CD200R1: variants seen among roughly 807,000 people sequenced by gnomAD.
CD200R1 encodes the protein cell surface glycoprotein CD200 receptor 1.
Under a neutral mutation model 38.1 loss-of-function variants are expected in CD200R1, and 30 were observed. The observed-to-expected ratio is 0.79, with a 90% CI of 0.59 to 1.07. The LOEUF (loss-of-function observed/expected upper bound fraction) is 1.07, where lower values mean the gene tolerates loss of function less well. CD200R1 is among the 50% of genes least tolerant of loss of function. The pLI, the probability that CD200R1 is intolerant of heterozygous loss-of-function variation, is 0.00. For missense variants in CD200R1, 372 were observed against 415.4 expected, an observed-to-expected ratio of 0.90 and a Z score of 0.91; for synonymous variants, 128 against 152.1, an observed-to-expected ratio of 0.84 and a Z score of 1.16.
chr3:112,954,184 A>G (rs145685743), intron 1 of CD200R1, among the ~76,000 whole-genome samples: 8 of 151,962 alleles, frequency 5.3e-5, no homozygotes, highest in South Asian at 4.2e-4. Flanking sequence ...TTATTGGCCA[A>G]TTGGTTGTTC....
intron 1 of CD200R1, among the ~76,000 whole-genome samples, chr3:112,959,225 G>C (rs1488296420): frequency 6.6e-6 from 1 of 152,050 alleles, no homozygotes; most frequent in Non-Finnish European, 1.5e-5. Flanking sequence ...TAATATTCAT[G>C]TATTATTTCT....
chr3:112,928,659 TCTC>T (rs2107302816), intron 5 of CD200R1, among the ~76,000 whole-genome samples, 154 bp downstream of exon 5: 1 of 152,360 alleles, frequency 6.6e-6, no homozygotes, highest in African/African-American at 2.4e-5. Context: ...TCTGTACTAT[TCTC>T]CTCAACTCAT....
intron 1 of CD200R1, among the ~76,000 whole-genome samples, chr3:112,951,208 A>G (rs1201632926): frequency 6.6e-6 from 1 of 152,106 alleles, no homozygotes; most frequent in African/African-American, 2.4e-5. Flanking sequence ...CATTCGTGAA[A>G]GGAAAAATGA....
intron 1 of CD200R1, among the ~76,000 whole-genome samples, chr3:112,948,224 G>T (rs980483525): frequency 6.6e-6 from 1 of 152,084 alleles, no homozygotes. Flanking sequence ...GAGTGTGGAA[G>T]AAATTATTTT....
chr3:112,965,498 C>T (rs1933134327), intron 1 of CD200R1, among the ~76,000 whole-genome samples: 1 of 152,184 alleles, frequency 6.6e-6, no homozygotes, highest in Non-Finnish European at 1.5e-5. Flanking sequence ...CATGGTGGCT[C>T]ATGCCTGTAA....
intron 5 of CD200R1, among the ~76,000 whole-genome samples, chr3:112,928,463 C>A (rs1940331429): frequency 6.6e-6 from 1 of 152,136 alleles, no homozygotes; most frequent in Admixed American, 6.5e-5. Context: ...ATAAAAGCAA[C>A]TTTGAGTAAA....
chr3:112,968,188 G>T (rs901837709), intron 1 of CD200R1, among the ~76,000 whole-genome samples: 1 of 152,066 alleles, frequency 6.6e-6, no homozygotes, highest in South Asian at 2.1e-4. Flanking sequence ...GAAATTATGG[G>T]AAAGAAGAAC....
intron 2 of CD200R1, among the ~76,000 whole-genome samples, chr3:112,939,313 C>T (rs2107315950): frequency 6.6e-6 from 1 of 151,946 alleles, no homozygotes; most frequent in Non-Finnish European, 1.5e-5. Context: ...AAAGTACATC[C>T]AATTTAGAAA....
chr3:112,967,086 C>G (rs1287019866), intron 1 of CD200R1, among the ~76,000 whole-genome samples: 2 of 152,100 alleles, frequency 1.3e-5, no homozygotes, highest in African/African-American at 4.8e-5. Context: ...CCATGCATTC[C>G]CTTCTCTGTC....
chr3:112,924,368 A>G lies in CD200R1; in HGVS notation c.924+122T>C, dbSNP rs1940235639. On this transcript the variant is annotated intron_variant, in intron 7 of 7. Transcript: ENST00000308611. ...AAGTAATCACACATATAAGCACTGC[A>G]AGTCAGAACTGTTTTAGTTTTTCAA... The G allele has an allele frequency of 1.1e-5, 7 of 610,988 alleles. No homozygotes were observed. In the South Asian group the frequency reaches 4.2e-4, roughly 36 times the overall value. 37.8% of individuals were successfully genotyped at this position (610,988 alleles called of 1,614,324 possible). A position where few individuals can be genotyped will look rare whatever the true frequency, so the allele number is the denominator to read the frequency against.
chr3:112,924,927 C>A (rs185006546), intron 6 of CD200R1, among the ~76,000 whole-genome samples, 158 bp downstream of exon 6: 2 of 152,178 alleles, frequency 1.3e-5, no homozygotes, highest in Admixed American at 1.3e-4. Context: ...TCTCTCTCAT[C>A]ATTCAAAGTA....
At chr3:112,929,658 C>G in intron 3 of CD200R1, 151 bp from the exon 4 acceptor site, 1 of 713,136 alleles carries the variant, frequency 1.4e-6, no homozygotes, top group South Asian at 2.5e-5. Context: ...TTAAAATTCT[C>G]AAAATATAAA....
At chr3:112,927,715 C>A (rs910513022) in intron 5 of CD200R1, among the ~76,000 whole-genome samples, 3 of 151,920 alleles carry the variant, frequency 2.0e-5, no homozygotes, top group African/African-American at 7.3e-5. Context: ...AAACACATAC[C>A]AAAACTCAAG....
At chr3:112,936,505 G>A (rs1469051438) in intron 2 of CD200R1, among the ~76,000 whole-genome samples, 1 of 152,142 alleles carries the variant, frequency 6.6e-6, no homozygotes, top group African/African-American at 2.4e-5. Context: ...TCTGACTGGT[G>A]TGAGATAGTA....
At chr3:112,934,459 C>T (rs1576131086) in intron 2 of CD200R1, among the ~76,000 whole-genome samples, 1 of 152,128 alleles carries the variant, frequency 6.6e-6, no homozygotes, top group African/African-American at 2.4e-5. Context: ...TGTAAGTTCT[C>T]ATCTATCAAA....
chr3:112,931,755 C>T lies in CD200R1; in HGVS notation c.137-584G>A, dbSNP rs986180088. Among the ~76,000 whole-genome samples the T allele has an allele frequency of 3.3e-5, 5 of 151,956 alleles. No homozygotes were observed. The East Asian group carries it at 7.8e-4, about 24-fold the overall frequency. On this transcript the variant is annotated intron_variant, in intron 2 of 7. Coordinates refer to ENST00000308611, the MANE Select transcript of CD200R1 (RefSeq NM_138806.4). ...TAGAGGCCCCTGGTGCACATCTCCT[C>T]CAAAAGAAAGGACCAAGCAATAGAC...
intron 1 of CD200R1, among the ~76,000 whole-genome samples, chr3:112,971,182 T>G (rs147846687): frequency 5.9e-5 from 9 of 152,310 alleles, no homozygotes; most frequent in African/African-American, 2.2e-4. Context: ...ATATAACCTA[T>G]GTACAATCTC....
chr3:112,937,263 G>A (rs1285924703), intron 2 of CD200R1, among the ~76,000 whole-genome samples: 1 of 152,110 alleles, frequency 6.6e-6, no homozygotes, highest in African/African-American at 2.4e-5. Flanking sequence ...CAGCATGAGA[G>A]TAACTGCCCC....
intron 5 of CD200R1, 122 bp from the exon 6 acceptor site, chr3:112,925,315 G>A (rs551193765): frequency 3.5e-6 from 2 of 575,448 alleles, no homozygotes; most frequent in Middle Eastern, 4.1e-4. Flanking sequence ...AATTTCAAAT[G>A]TATGTTACTA....
Sources: allele counts gnomAD v4.1 joint callset (sites outside exome capture counted in the v4.1 genomes callset), GRCh38; gene constraint gnomAD v4.1.1; transcripts MANE v1.5; gene names NCBI Gene and HGNC (gene_info 2026-07-23, HGNC 2026-07-21).